Variants in INPP4B observed in about 807,000 individuals in gnomAD.
INPP4B encodes the protein inositol polyphosphate-4-phosphatase type II B.
In INPP4B, 55 loss-of-function variants were observed where a neutral mutation model predicts 122.5. That is an observed-to-expected ratio of 0.45 (90% CI 0.36 to 0.56). The LOEUF (loss-of-function observed/expected upper bound fraction) is 0.56, where lower values mean the gene tolerates loss of function less well. Among genes scored for constraint, INPP4B ranks in the 20% least tolerant of loss-of-function variants. INPP4B has a pLI of 0.00. For missense variants in INPP4B, 1,000 were observed against 1,097.7 expected, an observed-to-expected ratio of 0.91 and a Z score of 1.26; for synonymous variants, 403 against 388.7, an observed-to-expected ratio of 1.04 and a Z score of -0.43.
chr4:142,211,492 A>G (rs920706440), intron 12 of INPP4B, among the ~76,000 whole-genome samples: 5 of 152,128 alleles, frequency 3.3e-5, no homozygotes, highest in Non-Finnish European at 5.9e-5. Flanking sequence ...GCCTGAGATC[A>G]AGCAATGCTA....
At chr4:142,139,165 C>G (rs1177263718) in intron 18 of INPP4B, among the ~76,000 whole-genome samples, 6 of 152,170 alleles carry the variant, frequency 3.9e-5, no homozygotes, top group Non-Finnish European at 8.8e-5. Flanking sequence ...AGGGTAAGTA[C>G]TCAACAAATA....
intron 10 of INPP4B, among the ~76,000 whole-genome samples, chr4:142,267,093 T>C (rs775859028): frequency 9.3e-4 from 142 of 152,312 alleles, no homozygotes; most frequent in Non-Finnish European, 1.4e-3. Flanking sequence ...CCCATGCTCG[T>C]GGATTGGAAG....
rs1240365750 is a variant in INPP4B at position 142,607,578 on chromosome 4, A to G, written c.-191+118261T>C. ...GGATGCTGGTCTGTCCAGCTGATCC[A>G]AAATAAAAATATAACACTATTTTTT... On this transcript the variant is annotated intron_variant, in intron 2 of 25. Coordinates refer to ENST00000262992, the MANE Select transcript of INPP4B (RefSeq NM_001101669.3). 2.6e-5 allele frequency among the ~76,000 whole-genome samples: 4 copies of G among 152,220 alleles called. No homozygotes were observed. In the East Asian group the frequency reaches 7.7e-4, roughly 29 times the overall value.
intron 25 of INPP4B, among the ~76,000 whole-genome samples, chr4:142,061,910 ATATATATATATATATATATATATATATAT>A (rs1274579360): frequency 5.6e-4 from 3 of 5,388 alleles, no homozygotes; most frequent in African/African-American, 1.1e-3. Flanking sequence ...ATATATATAT[ATATATATATATATATATATATATATATAT>A]ATCTGTAACT....
intron 2 of INPP4B, among the ~76,000 whole-genome samples, chr4:142,706,032 C>A (rs754979906): frequency 6.6e-6 from 1 of 152,228 alleles, no homozygotes; most frequent in Non-Finnish European, 1.5e-5. Flanking sequence ...CTGGCCTCTG[C>A]CACACTCCCA....
At chr4:142,224,172 AG>A (rs1340285572) in intron 12 of INPP4B, among the ~76,000 whole-genome samples, 1 of 152,202 alleles carries the variant, frequency 6.6e-6, no homozygotes, top group Non-Finnish European at 1.5e-5. Flanking sequence ...GGCCAAGTGA[AG>A]GGGAACCCTT....
chr4:142,370,962 C>T (rs143385624), intron 7 of INPP4B, among the ~76,000 whole-genome samples: 1 of 152,052 alleles, frequency 6.6e-6, no homozygotes, highest in Non-Finnish European at 1.5e-5. Flanking sequence ...CCACAAAAGA[C>T]CCCAAATAGC....
At chr4:142,079,637 T>C (rs1392691158) in intron 25 of INPP4B, among the ~76,000 whole-genome samples, 1 of 152,100 alleles carries the variant, frequency 6.6e-6, no homozygotes, top group Non-Finnish European at 1.5e-5. Context: ...TATCTTAAAT[T>C]CTACGATTAT....
At chr4:142,614,057 A>T (rs1743154461) in intron 2 of INPP4B, among the ~76,000 whole-genome samples, 1 of 152,172 alleles carries the variant, frequency 6.6e-6, no homozygotes, top group African/African-American at 2.4e-5. Flanking sequence ...TAACTGAAAC[A>T]GCATAGTGCT....
chr4:142,550,603 C>CACACACAT (rs1409095132), intron 2 of INPP4B, among the ~76,000 whole-genome samples: 2 of 9,496 alleles, frequency 2.1e-4, no homozygotes, highest in Admixed American at 4.9e-3. Flanking sequence ...CACACACACA[C>CACACACAT]ACATATATAT....
chr4:142,661,928 T>C (rs1407094195), intron 2 of INPP4B, among the ~76,000 whole-genome samples: 1 of 152,096 alleles, frequency 6.6e-6, no homozygotes, highest in East Asian at 1.9e-4. Context: ...TAAAGCATAA[T>C]TGGTCAGAAG....
chr4:142,809,169 A>G (rs1364653840), intron 1 of INPP4B, among the ~76,000 whole-genome samples: 1 of 152,118 alleles, frequency 6.6e-6, no homozygotes, highest in Non-Finnish European at 1.5e-5. Context: ...AATGGTCAAT[A>G]TTTTTATTTA....
chr4:142,418,643 G>C lies in INPP4B; in HGVS notation c.136+10530C>G, dbSNP rs1806243908. On this transcript the variant is annotated intron_variant, in intron 5 of 25. Transcript: ENST00000262992. ...CCAGCTAAGGGGGGACAATAAGTAT[G>C]AAGACCCAAACATCTGACCTATTTG... 1.3e-5 allele frequency among the ~76,000 whole-genome samples: 2 copies of C among 152,136 alleles called. 1 individual carries two copies. Among genetic ancestry groups the C allele is most frequent in the South Asian group, 4.1e-4 (2 of 4,834 alleles).
At chr4:142,635,841 G>A (rs1560898334) in intron 2 of INPP4B, among the ~76,000 whole-genome samples, 2 of 151,942 alleles carry the variant, frequency 1.3e-5, no homozygotes, top group African/African-American at 2.4e-5. Context: ...ACCTTCACAT[G>A]TACCCCTGAA....
At chr4:142,476,520 G>A (rs1327405999) in intron 2 of INPP4B, among the ~76,000 whole-genome samples, 1 of 152,060 alleles carries the variant, frequency 6.6e-6, no homozygotes, top group Admixed American at 6.5e-5. Flanking sequence ...AGCACAGAGT[G>A]GCAAGTTGGA....
In INPP4B at chr4:142,588,065, G is replaced by A. The variant is rs141740153; in HGVS notation, c.-190-125339C>T. 2.8e-3 allele frequency among the ~76,000 whole-genome samples: 431 copies of A among 151,828 alleles called. 6 individuals are homozygous for A. The highest frequency in any genetic ancestry group is 0.018 in the East Asian group (94 of 5,184). On this transcript the variant is annotated intron_variant, in intron 2 of 25. Coordinates refer to ENST00000262992, the MANE Select transcript of INPP4B (RefSeq NM_001101669.3). ...CTGAACAGGCAAAAATAAGAAAAAC[G>A]ATATGATTTTATCAAATACAGAAAA... is the stretch of plus-strand genomic sequence containing the variant.
chr4:142,201,178 G>C (rs1295860851), intron 14 of INPP4B, among the ~76,000 whole-genome samples: 1 of 152,072 alleles, frequency 6.6e-6, no homozygotes, highest in Non-Finnish European at 1.5e-5. Flanking sequence ...CAATTGGAAA[G>C]TAGCTGCTGA....
chr4:142,035,388 T>C (rs189548343), intron 25 of INPP4B, among the ~76,000 whole-genome samples: 2 of 152,316 alleles, frequency 1.3e-5, no homozygotes, highest in Admixed American at 1.3e-4. Flanking sequence ...TGAGCCGAGA[T>C]ATTTTGTGCA....
At chr4:142,031,178 TTCA>T (rs1266098268) in intron 25 of INPP4B, among the ~76,000 whole-genome samples, 1 of 151,916 alleles carries the variant, frequency 6.6e-6, no homozygotes, top group African/African-American at 2.4e-5. Flanking sequence ...TATGCTCTAG[TTCA>T]TCAGTATTCA....
Sources: allele counts gnomAD v4.1 joint callset (sites outside exome capture counted in the v4.1 genomes callset), GRCh38; gene constraint gnomAD v4.1.1; transcripts MANE v1.5; gene names NCBI Gene and HGNC (gene_info 2026-07-23, HGNC 2026-07-21).